NMNAT2: variants seen among roughly 807,000 people sequenced by gnomAD.
NMNAT2 encodes the protein nicotinamide/nicotinic acid mononucleotide adenylyltransferase 2.
NMNAT2 carries 11 observed loss-of-function variants against 41.6 expected under a neutral mutation model. The ratio of observed to expected loss-of-function variants is 0.26; its 90% CI spans 0.17 to 0.44. The LOEUF (loss-of-function observed/expected upper bound fraction) is 0.44. Ranked by LOEUF, NMNAT2 falls within the 20% of genes least tolerant of loss-of-function variation. The probability of loss-of-function intolerance (pLI) is 1.00; values close to 1 mark genes in which losing one functional copy is unlikely to be tolerated. For missense variants in NMNAT2, 288 were observed against 407.7 expected (o/e 0.71, Z 2.53); for synonymous variants, 148 against 151.2 (o/e 0.98, Z 0.16).
intron 1 of NMNAT2, among the ~76,000 whole-genome samples, chr1:183,367,202 T>C (rs1380783759): frequency 6.6e-6 from 1 of 152,188 alleles, no homozygotes; most frequent in Non-Finnish European, 1.5e-5. Context: ...CTCAGGCCTG[T>C]AACCCCAGCA....
chr1:183,352,548 G>A (rs372078021), intron 1 of NMNAT2, among the ~76,000 whole-genome samples: 1 of 116,112 alleles, frequency 8.6e-6, no homozygotes, highest in East Asian at 2.7e-4. Flanking sequence ...GGATGATGGA[G>A]TCACAGTCTG....
chr1:183,261,453 C>A (rs1660655494), intron 8 of NMNAT2, 150 bp from the exon 9 acceptor site: 3 of 687,366 alleles, frequency 4.4e-6, no homozygotes, highest in South Asian at 1.7e-5. Flanking sequence ...CCCCATCAGC[C>A]AGCTCCTTCA....
intron 1 of NMNAT2, among the ~76,000 whole-genome samples, chr1:183,390,031 T>C (rs1648428562): frequency 6.6e-6 from 1 of 151,962 alleles, no homozygotes; most frequent in Admixed American, 6.6e-5. Context: ...CATCACGATA[T>C]AGAACATTGT....
At chr1:183,281,647 G>A (rs1463554122) in intron 7 of NMNAT2, among the ~76,000 whole-genome samples, 1 of 152,186 alleles carries the variant, frequency 6.6e-6, no homozygotes, top group Non-Finnish European at 1.5e-5. Flanking sequence ...CCCACATATG[G>A]CCACTGGAGG....
At chr1:183,380,701 T>A (rs545353904) in intron 1 of NMNAT2, among the ~76,000 whole-genome samples, 117 of 152,172 alleles carry the variant, frequency 7.7e-4, no homozygotes, top group African/African-American at 2.6e-3. Flanking sequence ...ATTCGACAGA[T>A]CAATGTGGCA....
At chr1:183,270,281 C>T (rs1002956142) in intron 8 of NMNAT2, among the ~76,000 whole-genome samples, 1 of 152,106 alleles carries the variant, frequency 6.6e-6, no homozygotes, top group Non-Finnish European at 1.5e-5. Context: ...GGCTGGGGTA[C>T]TCTGTATCAC....
At chr1:183,401,885 AT>A (rs1163348783) in intron 1 of NMNAT2, among the ~76,000 whole-genome samples, 1 of 128,756 alleles carries the variant, frequency 7.8e-6, no homozygotes, top group African/African-American at 2.9e-5. Flanking sequence ...TGGACACAGG[AT>A]GGGGAACATC....
intron 1 of NMNAT2, among the ~76,000 whole-genome samples, chr1:183,340,122 C>G (rs907798934): frequency 6.6e-6 from 1 of 152,338 alleles, no homozygotes; most frequent in East Asian, 1.9e-4. Flanking sequence ...GAGAATCAGA[C>G]TTTCTGGCTC....
chr1:183,340,690 G>T (rs1472577170), intron 1 of NMNAT2, among the ~76,000 whole-genome samples: 3 of 152,180 alleles, frequency 2.0e-5, no homozygotes, highest in Non-Finnish European at 4.4e-5. Flanking sequence ...TGATTTAGAT[G>T]TAAGCATATC....
chr1:183,370,509 C>A (rs1663512167), intron 1 of NMNAT2, among the ~76,000 whole-genome samples: 1 of 152,134 alleles, frequency 6.6e-6, no homozygotes, highest in African/African-American at 2.4e-5. Flanking sequence ...ATTGTGAACT[C>A]CTGTCCCACT....
intron 3 of NMNAT2, 107 bp downstream of exon 3, chr1:183,292,683 C>G (rs886691542): frequency 2.0e-6 from 2 of 1,015,334 alleles, no homozygotes; most frequent in African/African-American, 3.2e-5. Flanking sequence ...CCCCTGCCTC[C>G]CCATCCTTTC....
intron 1 of NMNAT2, among the ~76,000 whole-genome samples, chr1:183,303,662 C>G (rs751637604): frequency 6.6e-6 from 1 of 152,212 alleles, no homozygotes; most frequent in Non-Finnish European, 1.5e-5. Flanking sequence ...GAGCGTGAAA[C>G]AGACAATCCT....
chr1:183,268,602 C>G (rs1396694126), intron 8 of NMNAT2, among the ~76,000 whole-genome samples: 2 of 152,160 alleles, frequency 1.3e-5, no homozygotes, highest in African/African-American at 4.8e-5. Context: ...TCTCAAGCAC[C>G]CTTTCACTCA....
intron 1 of NMNAT2, among the ~76,000 whole-genome samples, chr1:183,388,639 G>A (rs1225374837): frequency 6.6e-6 from 1 of 152,164 alleles, no homozygotes; most frequent in Non-Finnish European, 1.5e-5. Flanking sequence ...CTTTAATAAA[G>A]AAGACTCCTG....
intron 6 of NMNAT2, among the ~76,000 whole-genome samples, chr1:183,284,309 C>T (rs1401790141): frequency 1.3e-5 from 2 of 152,242 alleles, no homozygotes; most frequent in African/African-American, 4.8e-5. Context: ...CGAACACACA[C>T]ACGCTCATGC....
intron 1 of NMNAT2, among the ~76,000 whole-genome samples, chr1:183,357,507 G>A (rs1375245362): frequency 1.3e-5 from 2 of 152,046 alleles, no homozygotes; most frequent in South Asian, 2.1e-4. Flanking sequence ...GGGATTACAG[G>A]TGTGAGCCAC....
intron 1 of NMNAT2, among the ~76,000 whole-genome samples, chr1:183,331,890 C>T (rs1441679622): frequency 6.6e-6 from 1 of 152,210 alleles, no homozygotes; most frequent in African/African-American, 2.4e-5. Flanking sequence ...CCAGTTCAAG[C>T]GATTCTCCTG....
chr1:183,287,709 A>G (rs1661433531), intron 4 of NMNAT2, among the ~76,000 whole-genome samples: 1 of 152,186 alleles, frequency 6.6e-6, no homozygotes, highest in Non-Finnish European at 1.5e-5. Flanking sequence ...TGCTTATTCA[A>G]GGTTTCTTCG....
intron 1 of NMNAT2, among the ~76,000 whole-genome samples, chr1:183,399,055 T>C (rs1022537624): frequency 6.6e-6 from 1 of 151,802 alleles, no homozygotes; most frequent in African/African-American, 2.4e-5. Flanking sequence ...AAGAAATAAC[T>C]AAGATCAGAG....
Sources: allele counts gnomAD v4.1 joint callset (sites outside exome capture counted in the v4.1 genomes callset), GRCh38; gene constraint gnomAD v4.1.1; transcripts MANE v1.5; gene names NCBI Gene and HGNC (gene_info 2026-07-23, HGNC 2026-07-21).